Variants in AKIRIN1 observed in about 807,000 individuals in gnomAD.
AKIRIN1 encodes akirin 1.
AKIRIN1 carries 4 observed loss-of-function variants against 25.9 expected under a neutral mutation model. The observed-to-expected ratio is 0.15, with a 90% CI of 0.08 to 0.35. The LOEUF (loss-of-function observed/expected upper bound fraction) is 0.35, where lower values mean the gene tolerates loss of function less well. Among genes scored for constraint, AKIRIN1 ranks in the 10% least tolerant of loss-of-function variants. The probability of loss-of-function intolerance (pLI) is 1.00; values close to 1 mark genes in which losing one functional copy is unlikely to be tolerated. For missense variants in AKIRIN1, 243 were observed against 266.1 expected (o/e 0.91, Z 0.61); for synonymous variants, 125 against 105.1 (o/e 1.19, Z -1.16).
At position 38,991,564 on chromosome 1, in the gene AKIRIN1, GC is replaced by G. The variant is rs1315800503; in HGVS notation, c.188del (p.Pro63ArgfsTer18). ...CCCACCGCAGAGTCTGCAGCAGCCC[GC>G]CCCGCCCGGCAGCGAGCGGCGCCTT... is the stretch of plus-strand genomic sequence containing the variant. ...QTPPQSLQQP[A>X]PPGSERRLPT... On this transcript the variant is annotated frameshift_variant, in exon 1 of 5. Transcript: ENST00000432648. LOFTEE classifies it high-confidence loss of function. The G allele has an allele frequency of 3.3e-6, 4 of 1,222,916 alleles. No individual in the cohort carries two copies. The highest frequency in any genetic ancestry group is 1.7e-5 in the South Asian group (1 of 57,404). 75.8% of individuals were successfully genotyped at this position (1,222,916 alleles called of 1,614,324 possible).
chr1:39,004,232 AG>A lies in AKIRIN1; in HGVS notation c.*178del. The A allele has an allele frequency of 1.3e-6, 1 of 742,256 alleles. No individual in the cohort carries two copies. The allele number at this position is 742,256 out of a possible 1,614,324, so 46.0% of individuals were successfully genotyped here. ...ACCGTAAAACTTTCTGGTTGCCACAAGCATATCTTTCTTTTCTGCTCATCCA... is the reference window on the plus strand; with the variant it reads ...ACCGTAAAACTTTCTGGTTGCCACAACATATCTTTCTTTTCTGCTCATCCA... On this transcript the variant is annotated 3_prime_UTR_variant, in exon 5 of 5. Transcript: ENST00000432648.
chr1:39,001,283 CTT>C (rs768516800), intron 3 of AKIRIN1, among the ~76,000 whole-genome samples, 177 bp downstream of exon 3: 367 of 116,494 alleles, frequency 3.2e-3, no homozygotes, highest in African/African-American at 9.5e-3. Context: ...TATGGAAGGA[CTT>C]TTTTTTTTTT....
Position 39,004,109 on chromosome 1 carries a change from C to T in AKIRIN1, c.*54C>T. ...TTGACCTCAAGAGATGGCTGCTGTA[C>T]ACTTTTTGCAACTGGTTTGATGTCA... On this transcript the variant is annotated 3_prime_UTR_variant, in exon 5 of 5. Coordinates refer to ENST00000432648, the MANE Select transcript of AKIRIN1 (RefSeq NM_024595.3). 1.3e-6 allele frequency: 2 copies of T among 1,577,104 alleles called. No homozygotes were observed. Among genetic ancestry groups the T allele is most frequent in the Non-Finnish European group, 1.7e-6 (2 of 1,146,430 alleles).
chr1:38,991,320 A>G lies in AKIRIN1; in HGVS notation c.-61A>G, dbSNP rs1643902758. The G allele has an allele frequency of 7.8e-7, 1 of 1,287,010 alleles. No individual in the cohort carries two copies. The highest frequency in any genetic ancestry group is 9.9e-7 in the Non-Finnish European group (1 of 1,011,228). The allele number at this position is 1,287,010 out of a possible 1,614,324, so 79.7% of individuals were successfully genotyped here. On this transcript the variant is annotated 5_prime_UTR_variant, in exon 1 of 5. Coordinates refer to ENST00000432648, the MANE Select transcript of AKIRIN1 (RefSeq NM_024595.3). ...CCGGCTTGGCTGGCGAGCCCGGCTG[A>G]GGAGCCTCTTGGGCCGCACTTACCG...
chr1:38,994,738 G>A (rs572200358), intron 1 of AKIRIN1, among the ~76,000 whole-genome samples: 5 of 130,070 alleles, frequency 3.8e-5, no homozygotes, highest in African/African-American at 1.5e-4. Context: ...TGCCCAGGCT[G>A]GAGTGCAGTA....
At chr1:38,992,382 T>C (rs1643913101) in intron 1 of AKIRIN1, among the ~76,000 whole-genome samples, 1 of 152,104 alleles carries the variant, frequency 6.6e-6, no homozygotes, top group African/African-American at 2.4e-5. Context: ...GGAGGGTGCT[T>C]CAGCATTAAT....
chr1:39,003,896 T>C, intron 4 of AKIRIN1, 149 bp from the exon 5 acceptor site: 1 of 666,532 alleles, frequency 1.5e-6, no homozygotes, highest in East Asian at 2.7e-5. Context: ...TTCAGTCAGG[T>C]TCCTTAAATT....
rs1644029845 is a variant in AKIRIN1, at chr1:39,005,788, C to T, written c.*1733C>T. ...ATTCCTTATTAATGAATGTCTTTGA[C>T]TTAAATCTAACCAAAAACTGCAACA... On this transcript the variant is annotated 3_prime_UTR_variant, in exon 5 of 5. Coordinates refer to ENST00000432648, the MANE Select transcript of AKIRIN1 (RefSeq NM_024595.3). The T allele has an allele frequency of 6.6e-6, 1 of 152,092 alleles. No homozygotes were observed. Among genetic ancestry groups the T allele is most frequent in the Non-Finnish European group, 1.5e-5 (1 of 68,026 alleles). The allele number at this position is 152,092 out of a possible 1,614,324, so 9.4% of individuals were successfully genotyped here.
chr1:38,995,637 G>A (rs1364115728), intron 1 of AKIRIN1, among the ~76,000 whole-genome samples: 1 of 152,182 alleles, frequency 6.6e-6, no homozygotes, highest in African/African-American at 2.4e-5. Flanking sequence ...GTTTATCAAA[G>A]ACCTTCTGTT....
At chr1:38,996,094 C>A (rs2148066173) in intron 1 of AKIRIN1, among the ~76,000 whole-genome samples, 1 of 152,156 alleles carries the variant, frequency 6.6e-6, no homozygotes, top group East Asian at 1.9e-4. Flanking sequence ...CTTCATAGCA[C>A]TGTTTTGTTT....
rs1570975207 is a variant in AKIRIN1, at chr1:39,000,143, A to C, written c.362-829A>C. On this transcript the variant is annotated intron_variant, in intron 2 of 4. Coordinates refer to ENST00000432648, the MANE Select transcript of AKIRIN1 (RefSeq NM_024595.3). Reference sequence around the variant, plus strand: ...AAGTGATCAACCCGTCTTGGCCTCCAAAGTGCTGGGATTACAGGCGAGAGC... The same window carrying C: ...AAGTGATCAACCCGTCTTGGCCTCCCAAGTGCTGGGATTACAGGCGAGAGC... 7.2e-5 allele frequency among the ~76,000 whole-genome samples: 11 copies of C among 151,764 alleles called. No homozygotes were observed. The South Asian group carries it at 2.3e-3, about 32-fold the overall frequency.
intron 2 of AKIRIN1, among the ~76,000 whole-genome samples, chr1:38,999,674 G>C (rs1643973767): frequency 6.6e-6 from 1 of 151,960 alleles, no homozygotes; most frequent in African/African-American, 2.4e-5. Context: ...ATAATGACTA[G>C]TGAGATGTTT....
At chr1:38,998,418 G>A in intron 2 of AKIRIN1, 107 bp downstream of exon 2, 1 of 1,232,030 alleles carries the variant, frequency 8.1e-7, no homozygotes, top group South Asian at 1.8e-5. Flanking sequence ...TGCTAACGGG[G>A]ATGTATTAAT....
chr1:39,003,220 G>A (rs1381491242), intron 3 of AKIRIN1, 127 bp from the exon 4 acceptor site: 3 of 828,436 alleles, frequency 3.6e-6, no homozygotes, highest in Non-Finnish European at 5.9e-6. Flanking sequence ...TTTAATACAA[G>A]GACCTTTATA....
Position 38,991,470 on chromosome 1 carries a change from T to G in AKIRIN1, c.90T>G (p.Pro30=), listed in dbSNP as rs1035649363. Residue 30 remains proline, a synonymous_variant, in exon 1 of 5, where the codon CCT becomes CCG. Coordinates refer to ENST00000432648, the MANE Select transcript of AKIRIN1 (RefSeq NM_024595.3). The part of the protein sequence containing the change: ...PGSPKRRRCA[P]LPGPTPGLRP... ...CCCCGAAGCGGCGGCGCTGCGCCCC[T>G]CTGCCCGGCCCCACTCCGGGCCTCA... 59 of 1,406,742 alleles carry G rather than the reference T, an allele frequency of 4.2e-5. No individual in the cohort carries two copies. The highest frequency in any genetic ancestry group is 5.3e-5 in the Non-Finnish European group (58 of 1,086,242). The allele number at this position is 1,406,742 out of a possible 1,614,324, so 87.1% of individuals were successfully genotyped here.
intron 3 of AKIRIN1, among the ~76,000 whole-genome samples, chr1:39,001,497 C>G (rs925145623): frequency 1.3e-5 from 2 of 151,978 alleles, no homozygotes; most frequent in African/African-American, 4.8e-5. Context: ...AACTCCTGAC[C>G]TCAGGTGATC....
intron 2 of AKIRIN1, among the ~76,000 whole-genome samples, chr1:39,000,048 A>G (rs1368277114): frequency 6.6e-6 from 1 of 151,672 alleles, no homozygotes; most frequent in Non-Finnish European, 1.5e-5. Flanking sequence ...ATACCCAGCT[A>G]TTTTTTTGTA....
At position 38,991,305 on chromosome 1, in the gene AKIRIN1, T is replaced by C. The variant is rs1373588569; in HGVS notation, c.-76T>C. The C allele has an allele frequency of 1.6e-6, 2 of 1,254,360 alleles. No individual in the cohort carries two copies. Among genetic ancestry groups the C allele is most frequent in the African/African-American group, 1.6e-5 (1 of 63,630 alleles). The allele number at this position is 1,254,360 out of a possible 1,614,324, so 77.7% of individuals were successfully genotyped here. A position where few individuals can be genotyped will look rare whatever the true frequency, so the allele number is the denominator to read the frequency against. The stretch of plus-strand genomic sequence containing the variant: ...GAGGCGCCATTGGAGCCGGCTTGGC[T>C]GGCGAGCCCGGCTGAGGAGCCTCTT... On this transcript the variant is annotated 5_prime_UTR_variant, in exon 1 of 5. Coordinates refer to ENST00000432648, the MANE Select transcript of AKIRIN1 (RefSeq NM_024595.3).
intron 3 of AKIRIN1, among the ~76,000 whole-genome samples, chr1:39,001,866 T>C (rs914138403): frequency 1.2e-4 from 2 of 16,868 alleles, no homozygotes; most frequent in Non-Finnish European, 3.6e-4. Context: ...GTGGAAGAGT[T>C]CAGTAACATA....
Sources: allele counts gnomAD v4.1 joint callset (sites outside exome capture counted in the v4.1 genomes callset), GRCh38; gene constraint gnomAD v4.1.1; transcripts MANE v1.5; gene names NCBI Gene and HGNC (gene_info 2026-07-23, HGNC 2026-07-21).